Variants in GRIA4 observed in about 807,000 individuals in gnomAD.
GRIA4 encodes the protein glutamate ionotropic receptor AMPA type subunit 4.
A neutral mutation model predicts 104.0 loss-of-function variants in GRIA4; 34 were observed. The observed-to-expected ratio is 0.33, with a 90% CI of 0.25 to 0.44. The LOEUF is 0.44. Among genes scored for constraint, GRIA4 ranks in the 20% least tolerant of loss-of-function variants. The probability of loss-of-function intolerance (pLI) is 1.00; values close to 1 mark genes in which losing one functional copy is unlikely to be tolerated. For synonymous variants in GRIA4, 386 were observed against 381.9 expected, an observed-to-expected ratio of 1.01 and a Z score of -0.13; for missense variants, 750 against 1,096.5, an observed-to-expected ratio of 0.68 and a Z score of 4.46.
intron 3 of GRIA4, among the ~76,000 whole-genome samples, chr11:105,619,502 GACTTC>G (rs1354549080): frequency 1.6e-4 from 24 of 151,718 alleles, no homozygotes; most frequent in Admixed American, 2.6e-4. Flanking sequence ...AAAATTTTTT[GACTTC>G]TCACTGAATT....
intron 4 of GRIA4, among the ~76,000 whole-genome samples, chr11:105,814,665 T>C (rs1251541000): frequency 6.6e-6 from 1 of 152,178 alleles, no homozygotes; most frequent in East Asian, 1.9e-4. Context: ...ATTTTAAGTG[T>C]ATACAGAAAG....
At chr11:105,771,276 G>A (rs143618128) in intron 4 of GRIA4, among the ~76,000 whole-genome samples, 5 of 151,994 alleles carry the variant, frequency 3.3e-5, no homozygotes, top group Non-Finnish European at 7.4e-5. Flanking sequence ...TTGTCCAAAA[G>A]CTATTTTGCA....
At chr11:105,872,042 TAAAC>T (rs975431029) in intron 5 of GRIA4, among the ~76,000 whole-genome samples, 3 of 152,196 alleles carry the variant, frequency 2.0e-5, no homozygotes, top group Admixed American at 6.6e-5. Context: ...AGAATGTCCT[TAAAC>T]AACCTTTTAA....
intron 4 of GRIA4, among the ~76,000 whole-genome samples, chr11:105,773,591 T>C (rs905442715): frequency 3.9e-5 from 6 of 151,992 alleles, no homozygotes; most frequent in African/African-American, 1.4e-4. Context: ...TGCCAGCAAA[T>C]CTGATCTACA....
chr11:105,821,299 T>C (rs1943567321), intron 4 of GRIA4, among the ~76,000 whole-genome samples: 1 of 152,120 alleles, frequency 6.6e-6, no homozygotes, highest in African/African-American at 2.4e-5. Flanking sequence ...TTGGCAATAT[T>C]GTTCCCTCTG....
intron 3 of GRIA4, among the ~76,000 whole-genome samples, chr11:105,677,899 C>A (rs1445608): frequency 6.6e-6 from 1 of 151,926 alleles, no homozygotes; most frequent in African/African-American, 2.4e-5. Context: ...TAGATTATGA[C>A]GAACTTGGAC....
At chr11:105,884,213 A>G (rs779782194) in intron 5 of GRIA4, among the ~76,000 whole-genome samples, 5 of 152,238 alleles carry the variant, frequency 3.3e-5, no homozygotes, top group Non-Finnish European at 7.3e-5. Flanking sequence ...TTGTGTGAAC[A>G]CAGTTCCATT....
intron 4 of GRIA4, among the ~76,000 whole-genome samples, chr11:105,820,186 C>T (rs1411093286): frequency 1.3e-5 from 2 of 152,056 alleles, no homozygotes; most frequent in African/African-American, 4.8e-5. Context: ...TTAAACTACC[C>T]AATCTGTGGC....
intron 10 of GRIA4, among the ~76,000 whole-genome samples, chr11:105,910,825 G>A (rs529864066): frequency 6.6e-6 from 1 of 152,190 alleles, no homozygotes; most frequent in African/African-American, 2.4e-5. Context: ...TGTATGAAAT[G>A]CTAAGACCCT....
chr11:105,685,105 T>C (rs1306394534), intron 3 of GRIA4, among the ~76,000 whole-genome samples: 1 of 138,826 alleles, frequency 7.2e-6, no homozygotes, highest in African/African-American at 2.7e-5. Flanking sequence ...ATTTACCACC[T>C]GGATTCCTTT....
chr11:105,896,478 C>A (rs1032803370), intron 6 of GRIA4, among the ~76,000 whole-genome samples: 15 of 151,814 alleles, frequency 9.9e-5, no homozygotes, highest in African/African-American at 3.4e-4. Context: ...CTTTTGAGGT[C>A]CTAGTTATAA....
intron 3 of GRIA4, among the ~76,000 whole-genome samples, chr11:105,631,347 C>G (rs1355233311): frequency 2.6e-5 from 4 of 152,314 alleles, no homozygotes; most frequent in African/African-American, 9.6e-5. Context: ...AAGAAAAAGA[C>G]TGTCCATTAC....
At chr11:105,771,948 A>C (rs1565533796) in intron 4 of GRIA4, among the ~76,000 whole-genome samples, 1 of 152,234 alleles carries the variant, frequency 6.6e-6, no homozygotes, top group East Asian at 1.9e-4. Context: ...CACAGACTGT[A>C]CATAGCTCCA....
intron 14 of GRIA4, among the ~76,000 whole-genome samples, chr11:105,963,085 G>T (rs1050526722): frequency 5.7e-4 from 86 of 152,166 alleles, no homozygotes; most frequent in African/African-American, 1.9e-3. Flanking sequence ...GCGAGTATCT[G>T]CTTTCTACAC....
chr11:105,897,931 T>A (rs1425049496), intron 6 of GRIA4, among the ~76,000 whole-genome samples: 2 of 152,152 alleles, frequency 1.3e-5, no homozygotes, highest in Admixed American at 1.3e-4. Flanking sequence ...ATAGAATGAG[T>A]TAGTGAGAAA....
intron 9 of GRIA4, among the ~76,000 whole-genome samples, chr11:105,908,339 A>T (rs1006353782): frequency 4.5e-4 from 69 of 152,182 alleles, no homozygotes; most frequent in African/African-American, 1.6e-3. Context: ...TATAGGAAAA[A>T]TATCCATTTC....
intron 4 of GRIA4, among the ~76,000 whole-genome samples, chr11:105,771,978 T>C (rs1329287207): frequency 6.6e-6 from 1 of 152,050 alleles, no homozygotes; most frequent in African/African-American, 2.4e-5. Context: ...GAGAGAAATG[T>C]AAATAAACTT....
At chr11:105,728,237 A>C (rs1938347567) in intron 3 of GRIA4, among the ~76,000 whole-genome samples, 1 of 152,208 alleles carries the variant, frequency 6.6e-6, no homozygotes, top group Admixed American at 6.5e-5. Flanking sequence ...TTCTCTGATA[A>C]AACATATTTT....
intron 3 of GRIA4, among the ~76,000 whole-genome samples, chr11:105,696,758 T>C (rs1404214380): frequency 7.6e-6 from 1 of 131,376 alleles, no homozygotes; most frequent in Non-Finnish European, 1.7e-5. Context: ...CTGACATATT[T>C]CTTTCTGATT....
Sources: allele counts gnomAD v4.1 joint callset (sites outside exome capture counted in the v4.1 genomes callset), GRCh38; gene constraint gnomAD v4.1.1; transcripts MANE v1.5; gene names NCBI Gene and HGNC (gene_info 2026-07-23, HGNC 2026-07-21).